Variants in ZNF536 observed in about 807,000 individuals in gnomAD.
ZNF536 encodes zinc finger protein 536.
A neutral mutation model predicts 84.5 loss-of-function variants in ZNF536; 13 were observed. The ratio of observed to expected loss-of-function variants is 0.15; its 90% CI spans 0.10 to 0.24. The LOEUF is 0.24. Ranked by LOEUF, ZNF536 falls within the 10% of genes least tolerant of loss-of-function variation. ZNF536 has a pLI of 1.00. For missense variants in ZNF536, 1,536 were observed against 1,747.5 expected (o/e 0.88, Z 2.16); for synonymous variants, 811 against 742.5 (o/e 1.09, Z -1.50).
chr19:30,625,860 G>T (rs1368867298), intron 1 of ZNF536, among the ~76,000 whole-genome samples: 2 of 152,094 alleles, frequency 1.3e-5, no homozygotes, highest in Admixed American at 6.5e-5. Context: ...GCTGAGAAAG[G>T]CCTCTTGACC....
intron 1 of ZNF536, among the ~76,000 whole-genome samples, chr19:30,604,604 C>T (rs111295097): frequency 0.013 from 2,051 of 152,264 alleles, 41 homozygotes; most frequent in African/African-American, 0.046. Flanking sequence ...CTGGTCACCA[C>T]AAAGGCCTTT....
chr19:30,540,299 C>A (rs2045278880), intron 3 of ZNF536, among the ~76,000 whole-genome samples: 2 of 152,078 alleles, frequency 1.3e-5, no homozygotes, highest in Admixed American at 1.3e-4. Context: ...GAAGGGAGGG[C>A]GTTCTCCCTT....
chr19:30,385,813 G>T (rs8105221), intron 1 of ZNF536, among the ~76,000 whole-genome samples: 14,146 of 152,164 alleles, frequency 0.093, 2,195 homozygotes, highest in African/African-American at 0.32. Context: ...CTGCATGTGC[G>T]CACTGCCTGG....
intron 1 of ZNF536, among the ~76,000 whole-genome samples, chr19:30,612,213 G>A (rs1464885033): frequency 6.6e-6 from 1 of 152,158 alleles, no homozygotes; most frequent in Non-Finnish European, 1.5e-5. Flanking sequence ...ATTGTGAATG[G>A]GTGATTCGCT....
intron 2 of ZNF536, among the ~76,000 whole-genome samples, chr19:30,505,273 T>C (rs1236702550): frequency 6.8e-6 from 1 of 147,742 alleles, no homozygotes; most frequent in Non-Finnish European, 1.5e-5. Flanking sequence ...TTACATATTA[T>C]ATACTAATAA....
chr19:30,227,698 C>T (rs1371885026), upstream of ZNF536, among the ~76,000 whole-genome samples: 1 of 151,048 alleles, frequency 6.6e-6, no homozygotes, highest in Non-Finnish European at 1.5e-5. Context: ...TGAGCGAGCG[C>T]GCGGTACGGC....
chr19:30,628,013 G>T (rs1292917250), intron 1 of ZNF536, among the ~76,000 whole-genome samples: 1 of 152,176 alleles, frequency 6.6e-6, no homozygotes, highest in Admixed American at 6.5e-5. Flanking sequence ...TGCTTCCCGT[G>T]GGGAGGGCTT....
intron 2 of ZNF536, among the ~76,000 whole-genome samples, chr19:30,315,799 G>C (rs554288630): frequency 2.2e-4 from 33 of 151,806 alleles, no homozygotes; most frequent in Non-Finnish European, 4.4e-4. Flanking sequence ...TCATGTGTAG[G>C]GTGAATATTC....
chr19:30,366,327 AGTCT>A (rs2048426697), intron 3 of ZNF536, among the ~76,000 whole-genome samples: 1 of 152,244 alleles, frequency 6.6e-6, no homozygotes, highest in South Asian at 2.1e-4. Context: ...GCTAGCTGTC[AGTCT>A]GTCTATCTGT....
intron 1 of ZNF536, among the ~76,000 whole-genome samples, chr19:30,675,404 T>C (rs1446701383): frequency 2.0e-5 from 3 of 152,202 alleles, no homozygotes; most frequent in African/African-American, 7.2e-5. Flanking sequence ...AAGGACGCTG[T>C]TCCTAACAGG....
intron 1 of ZNF536, among the ~76,000 whole-genome samples, chr19:30,643,664 G>C (rs182857153): frequency 3.9e-5 from 6 of 152,132 alleles, no homozygotes; most frequent in South Asian, 2.1e-4. Context: ...CTGCAGGGGG[G>C]GGTTTTGGGG....
intron 3 of ZNF536, among the ~76,000 whole-genome samples, chr19:30,361,507 T>TG (rs2048273980): frequency 6.6e-6 from 1 of 152,054 alleles, no homozygotes; most frequent in Non-Finnish European, 1.5e-5. Flanking sequence ...GTTAGAGATT[T>TG]GGGGGGCTTT....
chr19:30,514,049 G>C (rs1273062524), intron 2 of ZNF536, among the ~76,000 whole-genome samples: 1 of 152,172 alleles, frequency 6.6e-6, no homozygotes, highest in South Asian at 2.1e-4. Context: ...TGGCGAGCCA[G>C]GTCCTGTTTC....
Position 30,470,464 on chromosome 19 carries a change from C to T in ZNF536, c.2170+24732C>T, listed in dbSNP as rs976798092. The stretch of plus-strand genomic sequence containing the variant: ...GGATCTCATCCATAATACCACATTA[C>T]ATTTAGTTTTTTTTTTTTTTTAATT... On this transcript the variant is annotated intron_variant, in intron 2 of 4. Transcript: ENST00000355537. Among the ~76,000 whole-genome samples the T allele has an allele frequency of 5.5e-5, 7 of 127,984 alleles. No individual in the cohort carries two copies. The South Asian group carries it at 1.9e-3, about 34-fold the overall frequency. The allele number at this position is 127,984 out of a possible 152,430, so 84.0% of individuals were successfully genotyped here. A position where few individuals can be genotyped will look rare whatever the true frequency, so the allele number is the denominator to read the frequency against.
intron 1 of ZNF536, among the ~76,000 whole-genome samples, chr19:30,584,777 T>G (rs2047039845): frequency 6.6e-6 from 1 of 152,218 alleles, no homozygotes; most frequent in Admixed American, 6.5e-5. Context: ...GGAAATTGTC[T>G]TTTCTCTCAG....
In ZNF536 at chr19:30,553,612, G is replaced by T. The variant is rs7254991; in HGVS notation, c.3896-3545G>T. Among the ~76,000 whole-genome samples, 346 of 152,322 alleles carry T rather than the reference G, an allele frequency of 2.3e-3. 3 individuals are homozygous for T. Among genetic ancestry groups the T allele is most frequent in the African/African-American group, 8.0e-3 (332 of 41,566 alleles). On this transcript the variant is annotated intron_variant, in intron 4 of 4. Transcript: ENST00000355537. ...AAGAGCACACTCCCCTTTGCCCCAAGGAGCTCTGCTCTGTAGTGACTGCCA... is the reference window on the plus strand; with the variant it reads ...AAGAGCACACTCCCCTTTGCCCCAATGAGCTCTGCTCTGTAGTGACTGCCA...
At chr19:30,281,560 C>A (rs1437530986) in intron 1 of ZNF536, among the ~76,000 whole-genome samples, 1 of 152,056 alleles carries the variant, frequency 6.6e-6, no homozygotes, top group Non-Finnish European at 1.5e-5. Flanking sequence ...ACCCCAGAGG[C>A]CCCAGTGCAC....
intron 1 of ZNF536, among the ~76,000 whole-genome samples, chr19:30,709,544 A>T (rs1024295330): frequency 9.9e-5 from 15 of 152,180 alleles, no homozygotes; most frequent in African/African-American, 3.6e-4. Flanking sequence ...AGATGGAAGG[A>T]TTTATGGTCT....
At position 30,435,619 on chromosome 19, in the gene ZNF536, C is replaced by A. The variant is rs375214597; in HGVS notation, c.-2-7942C>A. Among the ~76,000 whole-genome samples, 16 of 152,126 alleles carry A rather than the reference C, an allele frequency of 1.1e-4. No individual in the cohort carries two copies. In the East Asian group the frequency reaches 2.5e-3, roughly 24 times the overall value. ...GGTGATGATGGTGATGCTCTTGCTG[C>A]TGCTGCTGAGGGTTGTTGCTTTTTA... is the stretch of plus-strand genomic sequence containing the variant. On this transcript the variant is annotated intron_variant, in intron 1 of 4. Coordinates refer to ENST00000355537, the MANE Select transcript of ZNF536 (RefSeq NM_014717.3).
Sources: allele counts gnomAD v4.1 joint callset (sites outside exome capture counted in the v4.1 genomes callset), GRCh38; gene constraint gnomAD v4.1.1; transcripts MANE v1.5; gene names NCBI Gene and HGNC (gene_info 2026-07-23, HGNC 2026-07-21).